The following PYY variants were observed in gnomAD, a reference collection of about 807,000 sequenced individuals.
PYY encodes peptide tyrosine tyrosine.
PYY carries 12 observed loss-of-function variants against 10.3 expected under a neutral mutation model. That is an observed-to-expected ratio of 1.17 (90% CI 0.75 to 1.89). The LOEUF (loss-of-function observed/expected upper bound fraction) is 1.89. Among genes scored for constraint, PYY ranks in the 40% most tolerant of loss-of-function variants. PYY has a pLI of 0.00. For missense variants in PYY, 141 were observed against 134.0 expected (o/e 1.05, Z -0.26); for synonymous variants, 66 against 62.0 (o/e 1.06, Z -0.30).
At chr17:43,978,278 A>C (rs1049248575) in intron 1 of PYY, among the ~76,000 whole-genome samples, 4 of 150,244 alleles carry the variant, frequency 2.7e-5, no homozygotes, top group African/African-American at 9.9e-5. Flanking sequence ...AGAGAGAGAG[A>C]GAAGGAAGGA....
intron 1 of PYY, among the ~76,000 whole-genome samples, chr17:43,968,033 G>C: frequency 6.6e-6 from 1 of 152,088 alleles, no homozygotes. Flanking sequence ...AGTAGCAGTG[G>C]TGACAGTAGT....
chr17:43,964,180 A>G (rs1388284582), intron 2 of PYY, among the ~76,000 whole-genome samples: 1 of 152,168 alleles, frequency 6.6e-6, no homozygotes, highest in Non-Finnish European at 1.5e-5. Flanking sequence ...TAATTTTAAT[A>G]GTGTTTTATT....
At chr17:43,968,545 C>G (rs1046024224) in intron 1 of PYY, among the ~76,000 whole-genome samples, 2 of 152,218 alleles carry the variant, frequency 1.3e-5, no homozygotes, top group African/African-American at 4.8e-5. Flanking sequence ...GGCGCGGTGG[C>G]TCATGCCTAC....
chr17:43,970,226 A>T (rs1057459320), intron 1 of PYY, among the ~76,000 whole-genome samples: 1 of 113,472 alleles, frequency 8.8e-6, no homozygotes, highest in Non-Finnish European at 1.8e-5. Flanking sequence ...AAAAAAAAAA[A>T]GCTGGGGAAG....
rs2048923712 is a variant in PYY, at chr17:43,987,616, C to T, written c.-463+16775G>A. Among the ~76,000 whole-genome samples, 1 of 152,242 alleles carries T rather than the reference C, an allele frequency of 6.6e-6. No homozygotes were observed. The highest frequency in any genetic ancestry group is 2.4e-5 in the African/African-American group (1 of 41,460). ...CCACTCTTCCCAGCTTCCCACATGC[C>T]ACACCCCTGTGGGGCTGGCATGAAG... is the stretch of plus-strand genomic sequence containing the variant. On this transcript the variant is annotated intron_variant, in intron 1 of 6. Transcript: ENST00000360085. This position sits in a 1 kb window ranked among gnomAD's most constrained non-coding sequence, Gnocchi z 4.0.
chr17:43,957,711 G>C (rs1006016083), upstream of PYY, among the ~76,000 whole-genome samples: 3 of 152,122 alleles, frequency 2.0e-5, no homozygotes, highest in African/African-American at 4.8e-5. Flanking sequence ...TGTCTGATAA[G>C]TGCTATAGAG....
At chr17:43,990,552 T>C (rs2048950165) in intron 1 of PYY, among the ~76,000 whole-genome samples, 2 of 151,972 alleles carry the variant, frequency 1.3e-5, no homozygotes, top group Admixed American at 6.6e-5. Context: ...TGCTGAAATA[T>C]TACTTCTAAT....
rs1288155976 is a variant in PYY, at chr17:43,972,125, G to A, written c.-462-5593C>T. 3.3e-5 allele frequency among the ~76,000 whole-genome samples: 5 copies of A among 151,736 alleles called. No homozygotes were observed. The South Asian group carries it at 6.2e-4, about 19-fold the overall frequency. On this transcript the variant is annotated intron_variant, in intron 1 of 6. Transcript: ENST00000360085. ...CTATACATGTGTTAAAGCTCATAAA[G>A]CTGTACACCAACAAAATGGTCAATT...
intron 1 of PYY, among the ~76,000 whole-genome samples, chr17:43,979,117 GA>G (rs1300296709): frequency 7.2e-5 from 11 of 152,228 alleles, no homozygotes; most frequent in Admixed American, 6.5e-4. Context: ...TTACACGAGG[GA>G]AAAAAACTTG....
At chr17:43,971,725 T>TTG (rs1224054331) in intron 1 of PYY, among the ~76,000 whole-genome samples, 1 of 151,966 alleles carries the variant, frequency 6.6e-6, no homozygotes, top group Non-Finnish European at 1.5e-5. Flanking sequence ...ATTGTTGAGT[T>TTG]TGAAGGGTTC....
chr17:43,969,347 C>A (rs1041148922), intron 1 of PYY, among the ~76,000 whole-genome samples: 8 of 151,726 alleles, frequency 5.3e-5, no homozygotes, highest in South Asian at 2.1e-4. Flanking sequence ...GAAACCCTGT[C>A]TCTACTAAAA....
At chr17:43,958,004 G>A (rs904116802), upstream of PYY, 3 of 154,350 alleles carry the variant, frequency 1.9e-5, no homozygotes, top group Non-Finnish European at 2.9e-5. Flanking sequence ...CTCAGGCTTC[G>A]CTCTAGGACA....
intron 1 of PYY, among the ~76,000 whole-genome samples, chr17:44,002,699 G>C (rs1001085602): frequency 6.6e-6 from 1 of 152,178 alleles, no homozygotes; most frequent in Non-Finnish European, 1.5e-5. Context: ...CCAGCTCCAC[G>C]GCTTGTGAGC....
At chr17:43,961,324 G>A (rs1408702157) in intron 2 of PYY, among the ~76,000 whole-genome samples, 2 of 151,880 alleles carry the variant, frequency 1.3e-5, no homozygotes, top group Non-Finnish European at 2.9e-5. Context: ...ATACCTAGGT[G>A]ATGGGATGAT....
Position 43,989,486 on chromosome 17 carries a change from A to G in PYY, c.-463+14905T>C, listed in dbSNP as rs533322605. On this transcript the variant is annotated intron_variant, in intron 1 of 6. Transcript: ENST00000360085. ...AGCAGCCACACCATTTCACATTCCC[A>G]CCCAGAGTACACTAGGATTCCAGTT... is the stretch of plus-strand genomic sequence containing the variant. 3.8e-3 allele frequency among the ~76,000 whole-genome samples: 578 copies of G among 152,210 alleles called. 2 individuals are homozygous for G. The highest frequency in any genetic ancestry group is 5.0e-3 in the Non-Finnish European group (341 of 68,008).
At chr17:43,990,829 C>T (rs2048952207) in intron 1 of PYY, among the ~76,000 whole-genome samples, 3 of 140,224 alleles carry the variant, frequency 2.1e-5, no homozygotes, top group African/African-American at 7.9e-5. Flanking sequence ...GAGTCTTGCT[C>T]TGTCACCCAG....
intron 1 of PYY, among the ~76,000 whole-genome samples, chr17:43,985,049 C>G (rs1049377005): frequency 6.6e-6 from 1 of 151,996 alleles, no homozygotes; most frequent in South Asian, 2.1e-4. Context: ...TGTAATAGTT[C>G]TCTGTATAAT....
At chr17:43,997,187 C>T (rs1022584000) in intron 1 of PYY, among the ~76,000 whole-genome samples, 3 of 152,008 alleles carry the variant, frequency 2.0e-5, no homozygotes, top group Non-Finnish European at 4.4e-5. Flanking sequence ...TACAGGCATG[C>T]ACCACCACGC....
intron 1 of PYY, among the ~76,000 whole-genome samples, chr17:43,986,923 G>A (rs181451267): frequency 1.4e-3 from 213 of 152,308 alleles, no homozygotes; most frequent in African/African-American, 4.8e-3. Flanking sequence ...GCAATCCTAT[G>A]AGGTTCACAT....
Sources: allele counts gnomAD v4.1 joint callset (sites outside exome capture counted in the v4.1 genomes callset), GRCh38; gene constraint gnomAD v4.1.1; non-coding constraint Gnocchi (gnomAD v3.1); transcripts MANE v1.5; gene names NCBI Gene and HGNC (gene_info 2026-07-23, HGNC 2026-07-21).